The following DMD variants were observed in gnomAD, a reference collection of about 807,000 sequenced individuals.
DMD encodes the protein mutant dystrophin.
DMD carries 63 observed loss-of-function variants against 330.1 expected under a neutral mutation model. That is an observed-to-expected ratio of 0.19 (90% CI 0.16 to 0.24). The LOEUF is 0.24. DMD is among the 10% of genes least tolerant of loss of function. The probability of loss-of-function intolerance (pLI) is 1.00; values close to 1 mark genes in which losing one functional copy is unlikely to be tolerated. For missense variants in DMD, 3,344 were observed against 2,684.1 expected (o/e 1.25, Z -5.43); for synonymous variants, 1,223 against 959.8 (o/e 1.27, Z -5.07).
rs753562788 is a variant in DMD, at chrX:32,253,265, A to G, written c.6290+34264T>C. 8.1e-5 allele frequency among the ~76,000 whole-genome samples: 9 copies of G among 110,435 alleles called. No individual in the cohort carries two copies. The South Asian group carries it at 3.0e-3, about 37-fold the overall frequency. ...GGAGCTTATGACTGTCTTTAACCCT[A>G]TCGACACTAAGAGAATAGAAGTTGC... On this transcript the variant is annotated intron_variant, in intron 43 of 78. Coordinates refer to ENST00000357033, the MANE Select transcript of DMD (RefSeq NM_004006.3).
At chrX:32,884,169 A>G (rs964641626) in intron 2 of DMD, among the ~76,000 whole-genome samples, 1 of 111,467 alleles carries the variant, frequency 9.0e-6, no homozygotes, top group Admixed American at 9.6e-5. Flanking sequence ...AGGAAATAGT[A>G]GGGTGACATA....
chrX:31,891,425 C>T (rs1184363936), intron 47 of DMD, among the ~76,000 whole-genome samples: 2 of 111,982 alleles, frequency 1.8e-5, no homozygotes, highest in East Asian at 2.8e-4. Flanking sequence ...GTTGCCATAA[C>T]CCCATTTCAA....
At chrX:31,134,059 T>C (rs778653951) in intron 77 of DMD, 43 bp downstream of exon 77, 7 of 1,143,094 alleles carry the variant, frequency 6.1e-6, no homozygotes, top group Non-Finnish European at 8.4e-6. Flanking sequence ...GCGAGTGGCC[T>C]GATCCCAGCA....
At chrX:33,051,644 C>CTTTTTTTTTTTTTTT (rs1569551755) in intron 1 of DMD, among the ~76,000 whole-genome samples, 3 of 80,703 alleles carry the variant, frequency 3.7e-5, no homozygotes, top group African/African-American at 1.8e-4. Context: ...TAATTACGCT[C>CTTTTTTTTTTTTTTT]TATTTTTTTT....
At chrX:32,980,914 A>C (rs907568919) in intron 2 of DMD, among the ~76,000 whole-genome samples, 1 of 111,620 alleles carries the variant, frequency 9.0e-6, no homozygotes, top group Non-Finnish European at 1.9e-5. Context: ...AGTGACATCC[A>C]TTAGTAAGCA....
At chrX:31,563,309 C>T (rs1303123256) in intron 55 of DMD, among the ~76,000 whole-genome samples, 1 of 111,731 alleles carries the variant, frequency 9.0e-6, no homozygotes, top group Non-Finnish European at 1.9e-5. Context: ...ATCCACCCAC[C>T]TCAGACTCCC....
chrX:32,212,152 T>C (rs2097095954), intron 44 of DMD, among the ~76,000 whole-genome samples: 1 of 112,186 alleles, frequency 8.9e-6, no homozygotes, highest in Non-Finnish European at 1.9e-5. Context: ...AGCTAGGAAA[T>C]GAGTAGGCAG....
chrX:32,173,658 A>G (rs970451290), intron 44 of DMD, among the ~76,000 whole-genome samples: 14 of 111,845 alleles, frequency 1.3e-4, no homozygotes, highest in African/African-American at 4.6e-4. Context: ...GGTGTGAGCC[A>G]CCGCAACCAG....
intron 1 of DMD, among the ~76,000 whole-genome samples, chrX:33,305,541 C>T (rs1398784346): frequency 9.9e-5 from 10 of 100,973 alleles, no homozygotes. Context: ...ACATTGTGCA[C>T]ATGTACCCTA....
chrX:33,027,311 G>A (rs1009219132), intron 1 of DMD, among the ~76,000 whole-genome samples: 1 of 111,576 alleles, frequency 9.0e-6, no homozygotes, highest in Non-Finnish European at 1.9e-5. Flanking sequence ...GAAGAAGGCC[G>A]TGAGCCAAAT....
intron 44 of DMD, among the ~76,000 whole-genome samples, chrX:32,019,788 T>A (rs1293883): frequency 0.03 from 3,357 of 112,409 alleles, 54 homozygotes; most frequent in Non-Finnish European, 0.048. Flanking sequence ...AATTTTACAT[T>A]CAAATAGAAT....
At chrX:32,715,998 T>G (rs779799323) in intron 7 of DMD, among the ~76,000 whole-genome samples, 2 of 111,822 alleles carry the variant, frequency 1.8e-5, no homozygotes, top group East Asian at 5.6e-4. Context: ...TCATTTTACA[T>G]AATGAGAAAA....
At chrX:31,313,331 C>T (rs1445757411) in intron 62 of DMD, among the ~76,000 whole-genome samples, 4 of 110,309 alleles carry the variant, frequency 3.6e-5, no homozygotes, top group Non-Finnish European at 7.6e-5. Context: ...TGCGAAGATA[C>T]GCCAAGGAAA....
At chrX:32,882,764 G>T in intron 2 of DMD, among the ~76,000 whole-genome samples, 2 of 111,762 alleles carry the variant, frequency 1.8e-5, no homozygotes, top group Admixed American at 1.9e-4. Flanking sequence ...AACATGAATA[G>T]TAAAAAATAA....
At chrX:32,687,658 C>T (rs1426714340) in intron 9 of DMD, among the ~76,000 whole-genome samples, 1 of 111,666 alleles carries the variant, frequency 9.0e-6, no homozygotes, top group Non-Finnish European at 1.9e-5. Context: ...GTGAAGAAGC[C>T]TTCAAAATGA....
intron 57 of DMD, among the ~76,000 whole-genome samples, chrX:31,492,059 T>G (rs1411467425): frequency 3.6e-5 from 4 of 112,125 alleles, no homozygotes; most frequent in Non-Finnish European, 5.6e-5. Context: ...TTTAAAAAAG[T>G]GGCACTCTAA....
intron 44 of DMD, among the ~76,000 whole-genome samples, chrX:32,000,946 G>C (rs1230999438): frequency 1.8e-5 from 2 of 111,092 alleles, no homozygotes; most frequent in African/African-American, 6.5e-5. Context: ...GAGGGCAGGG[G>C]TTGAGCATAA....
At chrX:32,096,611 C>T (rs867865971) in intron 44 of DMD, among the ~76,000 whole-genome samples, 2 of 108,499 alleles carry the variant, frequency 1.8e-5, no homozygotes, top group Middle Eastern at 4.3e-3. Flanking sequence ...CAGTGACGGG[C>T]CTGAGCATAA....
intron 37 of DMD, among the ~76,000 whole-genome samples, chrX:32,353,808 G>A (rs1451197587): frequency 9.0e-6 from 1 of 111,099 alleles, no homozygotes; most frequent in African/African-American, 3.3e-5. Flanking sequence ...AGAAGAGACA[G>A]AGAAACCGAG....
Sources: gnomAD v4.1 joint callset for allele counts (sites outside exome capture counted in the v4.1 genomes callset) on GRCh38, gnomAD v4.1.1 for gene constraint, MANE v1.5 for transcripts, NCBI Gene and HGNC (gene_info 2026-07-23, HGNC 2026-07-21) for gene names.